The following PPARGC1A variants were observed in gnomAD, a reference collection of about 807,000 sequenced individuals.
PPARGC1A encodes the protein PPARG coactivator 1 alpha.
Under a neutral mutation model 88.7 loss-of-function variants are expected in PPARGC1A, and 25 were observed. The ratio of observed to expected loss-of-function variants is 0.28; its 90% CI spans 0.21 to 0.39. The LOEUF is 0.39. PPARGC1A is among the 10% of genes least tolerant of loss of function. The probability of loss-of-function intolerance (pLI) is 1.00; values close to 1 mark genes in which losing one functional copy is unlikely to be tolerated. For synonymous variants in PPARGC1A, 363 were observed against 355.6 expected (o/e 1.02, Z -0.24); for missense variants, 880 against 968.7 (o/e 0.91, Z 1.22).
chr4:23,940,046 A>G, the PPARGC1A span, among the ~76,000 whole-genome samples: 5 of 152,206 alleles, frequency 3.3e-5, no homozygotes. Flanking sequence ...AACCTTCCCT[A>G]GAGCTCTAAC....
At chr4:24,304,541 T>C in the PPARGC1A span, among the ~76,000 whole-genome samples, 20 of 152,276 alleles carry the variant, frequency 1.3e-4, no homozygotes, top group Admixed American at 2.0e-4. Context: ...AGCAAATGCA[T>C]GGCTGAGCTG....
At chr4:23,818,604 C>T (rs946524082) in intron 7 of PPARGC1A, among the ~76,000 whole-genome samples, 3 of 152,006 alleles carry the variant, frequency 2.0e-5, no homozygotes, top group Non-Finnish European at 2.9e-5. Context: ...CACACTTACG[C>T]ACTTCTGCAC....
the PPARGC1A span, among the ~76,000 whole-genome samples, chr4:24,467,630 G>C: frequency 6.6e-6 from 1 of 151,290 alleles, no homozygotes; most frequent in Non-Finnish European, 1.5e-5. Flanking sequence ...TTCTGCTTTG[G>C]CTATCCATAT....
At chr4:24,339,864 G>C in the PPARGC1A span, among the ~76,000 whole-genome samples, 1 of 151,606 alleles carries the variant, frequency 6.6e-6, no homozygotes, top group African/African-American at 2.4e-5. Flanking sequence ...TCAGCCTCCC[G>C]AGTAGCTGGG....
the PPARGC1A span, among the ~76,000 whole-genome samples, chr4:24,470,162 C>A: frequency 6.6e-6 from 1 of 151,994 alleles, no homozygotes; most frequent in African/African-American, 2.4e-5. The surrounding 1 kb of genome is among the most constrained non-coding windows in gnomAD (Gnocchi z 5.8). Context: ...GCGGCGCTGC[C>A]GAGGATGCCC....
the PPARGC1A span, among the ~76,000 whole-genome samples, chr4:24,248,090 A>C: frequency 6.6e-6 from 1 of 152,184 alleles, no homozygotes; most frequent in Non-Finnish European, 1.5e-5. Context: ...ATTATCTGCC[A>C]AAACCCAAGA....
chr4:23,946,263 C>T, the PPARGC1A span, among the ~76,000 whole-genome samples: 1 of 152,168 alleles, frequency 6.6e-6, no homozygotes, highest in South Asian at 2.1e-4. Flanking sequence ...CAAATGCTGA[C>T]TTGCAGTCTG....
chr4:24,004,519 C>A, the PPARGC1A span, among the ~76,000 whole-genome samples: 3 of 152,294 alleles, frequency 2.0e-5, no homozygotes, highest in Non-Finnish European at 4.4e-5. Flanking sequence ...AATCTCCACT[C>A]AGTTTCAGTA....
the PPARGC1A span, among the ~76,000 whole-genome samples, chr4:24,457,587 C>G: frequency 1.2e-4 from 18 of 152,138 alleles, no homozygotes; most frequent in African/African-American, 4.3e-4. Context: ...GCTCTGTCCC[C>G]CAGGCTAGAG....
At chr4:23,857,224 G>A (rs1305893105) in intron 2 of PPARGC1A, among the ~76,000 whole-genome samples, 8 of 151,292 alleles carry the variant, frequency 5.3e-5, no homozygotes, top group Non-Finnish European at 1.2e-4. Context: ...GGTGTTTCTG[G>A]GATTCCTGTG....
the PPARGC1A span, among the ~76,000 whole-genome samples, chr4:24,075,350 G>A: frequency 6.6e-6 from 1 of 152,200 alleles, no homozygotes; most frequent in Non-Finnish European, 1.5e-5. Context: ...TGCTTCTCAT[G>A]TTGGGTTAGC....
chr4:23,844,665 ATAT>A (rs1362920300), intron 2 of PPARGC1A, among the ~76,000 whole-genome samples: 2 of 104,196 alleles, frequency 1.9e-5, no homozygotes, highest in Non-Finnish European at 3.4e-5. Context: ...TATATATCAT[ATAT>A]TATAATAATA....
the PPARGC1A span, among the ~76,000 whole-genome samples, chr4:24,140,858 C>A: frequency 6.2e-3 from 942 of 152,262 alleles, 4 homozygotes; most frequent in Non-Finnish European, 9.3e-3. Context: ...GGAGACATTT[C>A]CCCCATCCCA....
In PPARGC1A at chr4:23,831,665, G is replaced by A. The variant is rs768048177; in HGVS notation, c.321C>T (p.Pro107=). ...DSLPVDEDGL[P]SFDALTDGDV... ...CTCCATCTGTCAGCGCATCAAATGA[G>A]GGCAATCCGTCTTCATCCACAGGGA... The change falls in exon 3 of 13, where the codon CCC becomes CCT. Residue 107 remains proline (P), a synonymous_variant. Coordinates refer to ENST00000264867, the MANE Select transcript of PPARGC1A (RefSeq NM_013261.5). The A allele has an allele frequency of 6.8e-6, 11 of 1,613,972 alleles. No individual in the cohort carries two copies. Among genetic ancestry groups the A allele is most frequent in the Non-Finnish European group, 7.6e-6 (9 of 1,179,872 alleles).
chr4:23,970,792 G>C, the PPARGC1A span, among the ~76,000 whole-genome samples: 7 of 152,136 alleles, frequency 4.6e-5, no homozygotes, highest in Non-Finnish European at 7.4e-5. Flanking sequence ...CTATTCTGAG[G>C]AGTCAGTGAC....
the PPARGC1A span, among the ~76,000 whole-genome samples, chr4:24,451,552 T>G: frequency 6.6e-6 from 1 of 152,056 alleles, no homozygotes; most frequent in African/African-American, 2.4e-5. Context: ...ATGGTTTGGG[T>G]TTTTTTGGGT....
At chr4:23,944,171 T>C in the PPARGC1A span, among the ~76,000 whole-genome samples, 3 of 152,242 alleles carry the variant, frequency 2.0e-5, no homozygotes, top group African/African-American at 7.2e-5. Context: ...AGATATTAAA[T>C]TAGGTGACAC....
chr4:24,366,792 G>T, the PPARGC1A span, among the ~76,000 whole-genome samples: 1 of 152,080 alleles, frequency 6.6e-6, no homozygotes. Context: ...GCCCTTCTTA[G>T]AGGTTCCCAT....
chr4:23,888,266 C>A (rs1717251501), intron 1 of PPARGC1A, among the ~76,000 whole-genome samples: 4 of 152,192 alleles, frequency 2.6e-5, no homozygotes, highest in Admixed American at 6.5e-5. Context: ...TAGCCAAGAC[C>A]TTTCCTCCTT....
Sources: allele counts gnomAD v4.1 joint callset (sites outside exome capture counted in the v4.1 genomes callset), GRCh38; gene constraint gnomAD v4.1.1; non-coding constraint Gnocchi (gnomAD v3.1); transcripts MANE v1.5; gene names NCBI Gene and HGNC (gene_info 2026-07-23, HGNC 2026-07-21).